Variants in ATPSCKMT observed in about 807,000 individuals in gnomAD.
ATPSCKMT encodes ATP synthase subunit C lysine N-methyltransferase.
A neutral mutation model predicts 24.3 loss-of-function variants in ATPSCKMT; 24 were observed. That is an observed-to-expected ratio of 0.99 (90% CI 0.71 to 1.39). The LOEUF (loss-of-function observed/expected upper bound fraction) is 1.39, where lower values mean the gene tolerates loss of function less well. Ranked by LOEUF, ATPSCKMT falls within the 40% of genes most tolerant of loss-of-function variation. ATPSCKMT has a pLI of 0.00. For missense variants in ATPSCKMT, 311 were observed against 298.4 expected (o/e 1.04, Z -0.31); for synonymous variants, 95 against 110.5 (o/e 0.86, Z 0.88).
rs144332483 is a variant in ATPSCKMT, at chr5:10,234,213, A to G, written c.495+998T>C. ...CGTGGTGGCAGGTGCCTGTAGTCCC[A>G]GCTACTCAGGAGGCTGATGCAGGAG... On this transcript the variant is annotated intron_variant, in intron 4 of 4. Transcript: ENST00000511437. Among the ~76,000 whole-genome samples the G allele has an allele frequency of 2.0e-3, 305 of 152,294 alleles. 1 individual carries two copies. Among genetic ancestry groups the G allele is most frequent in the African/African-American group, 7.0e-3 (292 of 41,564 alleles).
intron 1 of ATPSCKMT, among the ~76,000 whole-genome samples, chr5:10,248,172 CAT>C (rs1236514699): frequency 6.6e-6 from 1 of 152,228 alleles, no homozygotes; most frequent in Admixed American, 6.5e-5. Flanking sequence ...ATAACTACAG[CAT>C]ATGTTATGTC....
chr5:10,226,709 C>T lies in ATPSCKMT; in HGVS notation c.*732G>A, dbSNP rs1561023071. On this transcript the variant is annotated 3_prime_UTR_variant, in exon 5 of 5. Coordinates refer to ENST00000511437, the MANE Select transcript of ATPSCKMT (RefSeq NM_199133.4). ...CATTTATGGACCAAAGACTAGGTGC[C>T]ATGAGTTTTAGAAATTGGTCCCCAC... 1.3e-5 allele frequency: 2 copies of T among 152,186 alleles called. No individual in the cohort carries two copies. Among genetic ancestry groups the T allele is most frequent in the Non-Finnish European group, 2.9e-5 (2 of 68,042 alleles). 9.4% of individuals were successfully genotyped at this position (152,186 alleles called of 1,614,324 possible).
At chr5:10,228,802 C>T (rs1579417535) in intron 4 of ATPSCKMT, among the ~76,000 whole-genome samples, 1 of 152,034 alleles carries the variant, frequency 6.6e-6, no homozygotes, top group East Asian at 1.9e-4. Context: ...ACCTCAACCT[C>T]CTAATTTTGT....
Position 10,239,114 on chromosome 5 carries a change from A to G in ATPSCKMT, c.259T>C (p.Cys87Arg), listed in dbSNP as rs752294391. The G allele has an allele frequency of 6.2e-7, 1 of 1,614,246 alleles. No homozygotes were observed. The highest frequency in any genetic ancestry group is 1.1e-5 in the South Asian group (1 of 91,090). Residue 87 changes from cysteine to arginine, a missense_variant, in exon 2 of 5, where the codon TGC becomes CGC. Coordinates refer to ENST00000511437, the MANE Select transcript of ATPSCKMT (RefSeq NM_199133.4). ...QIENVVKMLR[C>R]RRGSLVDIGS... ...ATGTCCACAAGGGATCCTCTTCGGC[A>G]TCGCAACATTTTCACAACATTTTCA...
intron 2 of ATPSCKMT, among the ~76,000 whole-genome samples, chr5:10,237,781 C>T (rs545686384): frequency 6.6e-6 from 1 of 151,766 alleles, no homozygotes; most frequent in Non-Finnish European, 1.5e-5. Flanking sequence ...GAGTCTCGCT[C>T]TGTCACCCAG....
At chr5:10,229,881 G>A (rs188577818) in intron 4 of ATPSCKMT, among the ~76,000 whole-genome samples, 1 of 152,146 alleles carries the variant, frequency 6.6e-6, no homozygotes, top group African/African-American at 2.4e-5. Context: ...TCTGTCCTTT[G>A]GACATGCTGT....
chr5:10,248,461 A>G (rs2126475984), intron 1 of ATPSCKMT: 1 of 152,372 alleles, frequency 6.6e-6, no homozygotes, highest in East Asian at 1.9e-4. Flanking sequence ...TCCAAAATCT[A>G]AAATGTCCTT....
rs889922241 is a variant in ATPSCKMT at position 10,225,939 on chromosome 5, T to C, written c.*1502A>G. ...TACAGTGGAAGGCAACTGAGAGGCA[T>C]AGAGCAAGAGCTGCCCTCCCACTAA... On this transcript the variant is annotated 3_prime_UTR_variant, in exon 5 of 5. Transcript: ENST00000511437. 6.6e-6 allele frequency among the ~76,000 whole-genome samples: 1 copy of C among 152,156 alleles called. No homozygotes were observed. The highest frequency in any genetic ancestry group is 2.4e-5 in the African/African-American group (1 of 41,432).
At chr5:10,236,866 C>T (rs1201732444) in intron 2 of ATPSCKMT, 6 of 1,445,228 alleles carry the variant, frequency 4.2e-6, no homozygotes, top group Non-Finnish European at 4.6e-6. Flanking sequence ...CATTCAGGTT[C>T]ACTTGGAACA....
At chr5:10,235,328 T>A (rs1240545451) in intron 3 of ATPSCKMT, 67 bp from the exon 4 acceptor site, 2 of 1,388,930 alleles carry the variant, frequency 1.4e-6, no homozygotes, top group African/African-American at 2.9e-5. Context: ...TTAACTTGTT[T>A]TACAGAAATG....
At chr5:10,248,842 G>C (rs1337527615) in intron 1 of ATPSCKMT, among the ~76,000 whole-genome samples, 1 of 152,200 alleles carries the variant, frequency 6.6e-6, no homozygotes, top group Non-Finnish European at 1.5e-5. Context: ...AGCAAGGATG[G>C]AAACCCTCAA....
rs201120944 is a variant in ATPSCKMT, at chr5:10,239,183, G to A, written c.190C>T (p.Arg64Ter). 282 of 1,614,114 alleles carry A rather than the reference G, an allele frequency of 1.7e-4. No homozygotes were observed. Among genetic ancestry groups the A allele is most frequent in the Middle Eastern group, 1.2e-3 (7 of 6,062 alleles). ...VATPFVTPAL[R>*]KVCLPFVPAT... ...GGTACAAACGGCAAACAGACTTTTCGAAGGGCTGGCGTTACAAACGGCGTG... is the reference window on the plus strand; with the variant it reads ...GGTACAAACGGCAAACAGACTTTTCAAAGGGCTGGCGTTACAAACGGCGTG... The change falls in exon 2 of 5, where the codon CGA becomes TGA. Residue 64 changes from arginine (R) to a stop codon, truncating the protein, a stop_gained. Transcript: ENST00000511437. LOFTEE classifies it high-confidence loss of function.
In ATPSCKMT at chr5:10,227,657, G is replaced by A. The variant is rs759327004; in HGVS notation, c.496-10C>T. On this transcript the variant is annotated splice_polypyrimidine_tract_variant and intron_variant, in intron 4 of 4. Transcript: ENST00000511437. ...TCTCCAACTGCAGCATCTGTGGAGA[G>A]TAACAGCTATTATTTTAGTGAGCAG... is the stretch of plus-strand genomic sequence containing the variant. 7.4e-6 allele frequency: 12 copies of A among 1,613,320 alleles called. No homozygotes were observed. The highest frequency in any genetic ancestry group is 1.0e-5 in the Non-Finnish European group (12 of 1,179,346).
intron 2 of ATPSCKMT, among the ~76,000 whole-genome samples, chr5:10,238,135 C>T (rs992570993): frequency 7.9e-5 from 12 of 152,110 alleles, no homozygotes; most frequent in African/African-American, 2.9e-4. Flanking sequence ...GGCAGAGTTT[C>T]AGTTTTGCAA....
At chr5:10,246,968 C>A (rs992085422) in intron 1 of ATPSCKMT, among the ~76,000 whole-genome samples, 3 of 152,188 alleles carry the variant, frequency 2.0e-5, no homozygotes, top group Non-Finnish European at 2.9e-5. Context: ...AGCAGCAAGC[C>A]TTGGAACCAA....
At chr5:10,235,111 G>T in intron 4 of ATPSCKMT, 100 bp downstream of exon 4, 5 of 993,162 alleles carry the variant, frequency 5.0e-6, no homozygotes, top group Middle Eastern at 2.1e-4. Flanking sequence ...AAAATCTCTG[G>T]GAGGCCATCA....
At chr5:10,229,718 CCTCT>C (rs567109126) in intron 4 of ATPSCKMT, among the ~76,000 whole-genome samples, 118 of 152,320 alleles carry the variant, frequency 7.7e-4, no homozygotes, top group African/African-American at 2.7e-3. Context: ...ACCTGCTCTG[CCTCT>C]CTCTGTCTCC....
chr5:10,249,734 C>T, intron 1 of ATPSCKMT, 124 bp downstream of exon 1: 1 of 1,422,554 alleles, frequency 7.0e-7, no homozygotes, highest in Non-Finnish European at 9.4e-7. Flanking sequence ...AGGCTGGAGG[C>T]CAGAGCAGCC....
chr5:10,242,603 G>T (rs1194165907), intron 1 of ATPSCKMT, among the ~76,000 whole-genome samples: 1 of 152,140 alleles, frequency 6.6e-6, no homozygotes, highest in Non-Finnish European at 1.5e-5. Context: ...CTCCTACCAT[G>T]AATCATGAAT....
Sources: gnomAD v4.1 joint callset for allele counts (sites outside exome capture counted in the v4.1 genomes callset) on GRCh38, gnomAD v4.1.1 for gene constraint, MANE v1.5 for transcripts, NCBI Gene and HGNC (gene_info 2026-07-23, HGNC 2026-07-21) for gene names.